The following KTN1 variants were observed in gnomAD, a reference collection of about 807,000 sequenced individuals.
KTN1 encodes the protein kinectin 1, also known as kinectin.
KTN1 carries 130 observed loss-of-function variants against 222.5 expected under a neutral mutation model. The ratio of observed to expected loss-of-function variants is 0.58; its 90% CI spans 0.51 to 0.68. KTN1 has a LOEUF of 0.68. Among genes scored for constraint, KTN1 ranks in the 30% least tolerant of loss-of-function variants. The pLI, the probability that KTN1 is intolerant of heterozygous loss-of-function variation, is 0.00. For synonymous variants in KTN1, 512 were observed against 496.3 expected (o/e 1.03, Z -0.42); for missense variants, 1,508 against 1,500.4 (o/e 1.01, Z -0.08).
chr14:55,612,242 A>T lies in KTN1; in HGVS notation c.194A>T (p.Lys65Ile). 2 of 1,586,696 alleles carry T rather than the reference A, an allele frequency of 1.3e-6. No individual in the cohort carries two copies. The highest frequency in any genetic ancestry group is 1.7e-6 in the Non-Finnish European group (2 of 1,173,278). The change falls in exon 2 of 44, where the codon AAA becomes ATA. Residue 65 changes from lysine (K) to isoleucine (I), a missense_variant. By Grantham distance (102) the Lys-to-Ile change is moderately radical (BLOSUM62 -3). Transcript: ENST00000395314. ...KKAEKKKNKK[K>I]EIQNGNLHES... ...GCAGAAAAGAAAAAGAATAAAAAGA[A>T]AGAAATCCAGAATGGAAACCTCCAT...
intron 5 of KTN1, among the ~76,000 whole-genome samples, chr14:55,622,968 C>T (rs1183727004): frequency 1.3e-5 from 2 of 152,212 alleles, no homozygotes; most frequent in Non-Finnish European, 2.9e-5. Flanking sequence ...TCTGGTTCTT[C>T]TGTCATACCA....
At chr14:55,596,894 A>C (rs2035135906) in intron 1 of KTN1, among the ~76,000 whole-genome samples, 1 of 151,558 alleles carries the variant, frequency 6.6e-6, no homozygotes, top group African/African-American at 2.4e-5. Flanking sequence ...CAAGGTAATT[A>C]TATCTGTACT....
intron 20 of KTN1, 51 bp from the exon 21 acceptor site, chr14:55,648,751 T>G: frequency 8.5e-7 from 1 of 1,181,616 alleles, no homozygotes; most frequent in South Asian, 1.3e-5. Context: ...TGAAGCTAGC[T>G]ATATTTTTCA....
intron 18 of KTN1, 65 bp downstream of exon 18, chr14:55,641,825 T>C (rs942231244): frequency 3.0e-6 from 3 of 1,010,132 alleles, no homozygotes; most frequent in African/African-American, 1.6e-5. Context: ...GTTCTTCTTA[T>C]TTAGGTACCA....
chr14:55,641,640 C>T (rs1344306634), intron 17 of KTN1, 52 bp from the exon 18 acceptor site: 2 of 1,121,598 alleles, frequency 1.8e-6, no homozygotes, highest in Non-Finnish European at 2.7e-6. Context: ...CAAATGATTG[C>T]TTTATTACCT....
intron 7 of KTN1, among the ~76,000 whole-genome samples, chr14:55,632,563 T>G (rs1594968525): frequency 6.7e-6 from 1 of 149,162 alleles, no homozygotes; most frequent in Admixed American, 6.7e-5. Context: ...CGTTAAAAGG[T>G]GTAGAAGGTG....
At chr14:55,627,417 A>T (rs556369898) in intron 5 of KTN1, among the ~76,000 whole-genome samples, 50 of 151,012 alleles carry the variant, frequency 3.3e-4, no homozygotes, top group African/African-American at 1.2e-3. Context: ...CATTTTCATA[A>T]TTTTTTTTTA....
At chr14:55,681,610 A>G (rs2046373654) in intron 43 of KTN1, 1 of 152,212 alleles carries the variant, frequency 6.6e-6, no homozygotes, top group Admixed American at 6.5e-5. Flanking sequence ...CTCACAACGC[A>G]GTTGGCAGGC....
chr14:55,677,495 A>AT (rs2045984675), intron 41 of KTN1, among the ~76,000 whole-genome samples: 1 of 149,172 alleles, frequency 6.7e-6, no homozygotes, highest in Non-Finnish European at 1.5e-5. Context: ...AAAAAAAAAA[A>AT]GTTAATAACA....
intron 33 of KTN1, among the ~76,000 whole-genome samples, chr14:55,666,848 A>G (rs1012272251): frequency 1.3e-5 from 2 of 152,084 alleles, no homozygotes; most frequent in African/African-American, 2.4e-5. Context: ...ATACCAGCCA[A>G]TAAAGCTCAG....
At chr14:55,583,817 T>G (rs897237534) in intron 1 of KTN1, among the ~76,000 whole-genome samples, 1 of 152,180 alleles carries the variant, frequency 6.6e-6, no homozygotes, top group African/African-American at 2.4e-5. Flanking sequence ...ATTTCCGTAT[T>G]TTTCCTCAAA....
intron 43 of KTN1, chr14:55,680,030 TC>T: frequency 5.2e-6 from 1 of 193,924 alleles, no homozygotes; most frequent in Non-Finnish European, 1.0e-5. Context: ...TGACCTTTTC[TC>T]CCCCCTCCCT....
Position 55,648,098 on chromosome 14 carries a change from AAAG to A in KTN1, c.2286_2288del (p.Glu764del), listed in dbSNP as rs766551372. ...AACTGGACTTATTCAGGTGGCAACT[AAAG>A]AAGAGGAGCTGAATGTAAAGCATTT... On this transcript the variant is annotated inframe_deletion, in exon 20 of 44. Transcript: ENST00000395314. 7.1e-6 allele frequency: 11 copies of A among 1,550,816 alleles called. No individual in the cohort carries two copies. Among genetic ancestry groups the A allele is most frequent in the Middle Eastern group, 1.7e-4 (1 of 5,916 alleles).
At chr14:55,617,785 T>C in intron 3 of KTN1, among the ~76,000 whole-genome samples, 179 bp from the exon 4 acceptor site, 1 of 152,210 alleles carries the variant, frequency 6.6e-6, no homozygotes, top group Non-Finnish European at 1.5e-5. Context: ...GTTGAGCTGG[T>C]ACGGCTTCAT....
chr14:55,660,145 C>CT (rs1291013477), intron 31 of KTN1, among the ~76,000 whole-genome samples: 1 of 152,062 alleles, frequency 6.6e-6, no homozygotes, highest in Non-Finnish European at 1.5e-5. Flanking sequence ...GCTGGGGAGA[C>CT]TGAGACGGGA....
At chr14:55,645,203 C>T (rs976763990) in intron 18 of KTN1, among the ~76,000 whole-genome samples, 3 of 152,260 alleles carry the variant, frequency 2.0e-5, no homozygotes, top group East Asian at 3.9e-4. Flanking sequence ...AGCTAAGAGA[C>T]AGTCCAGGCT....
At chr14:55,622,092 C>A (rs1354887792) in intron 5 of KTN1, among the ~76,000 whole-genome samples, 1 of 152,058 alleles carries the variant, frequency 6.6e-6, no homozygotes, top group Non-Finnish European at 1.5e-5. Context: ...CATGATCCGC[C>A]TGCCTCGGCC....
intron 1 of KTN1, among the ~76,000 whole-genome samples, chr14:55,593,747 T>C (rs1404058234): frequency 2.0e-5 from 3 of 152,166 alleles, no homozygotes; most frequent in South Asian, 2.1e-4. Context: ...TTGTTGTCTT[T>C]TTTTTTTCTC....
Position 55,611,477 on chromosome 14 carries a change from G to T in KTN1, c.-30-542G>T, listed in dbSNP as rs529660764. On this transcript the variant is annotated intron_variant, in intron 1 of 43. Transcript: ENST00000395314. ...TTATTAGATTTTTATATCCTTGATAGATCCCACTGCATCATGAGGCTGATA... is the reference window on the plus strand; with the variant it reads ...TTATTAGATTTTTATATCCTTGATATATCCCACTGCATCATGAGGCTGATA... 9.9e-5 allele frequency among the ~76,000 whole-genome samples: 15 copies of T among 152,152 alleles called. No individual in the cohort carries two copies. In the South Asian group the frequency reaches 2.9e-3, roughly 30 times the overall value.
Sources: allele counts gnomAD v4.1 joint callset (sites outside exome capture counted in the v4.1 genomes callset), GRCh38; gene constraint gnomAD v4.1.1; transcripts MANE v1.5; gene names NCBI Gene and HGNC (gene_info 2026-07-23, HGNC 2026-07-21).